Variants in RHPN2 observed in about 807,000 individuals in gnomAD.
RHPN2 encodes rhophilin-2.
In RHPN2, 40 loss-of-function variants were observed where a neutral mutation model predicts 79.0. The observed-to-expected ratio is 0.51, with a 90% CI of 0.39 to 0.66. The LOEUF (loss-of-function observed/expected upper bound fraction) is 0.66. Among genes scored for constraint, RHPN2 ranks in the 30% least tolerant of loss-of-function variants. The pLI is 0.00. For synonymous variants in RHPN2, 285 were observed against 363.5 expected (o/e 0.78, Z 2.46); for missense variants, 686 against 883.5 (o/e 0.78, Z 2.83).
chr19:33,005,362 G>A lies in RHPN2; in HGVS notation c.761-2362C>T, dbSNP rs112115520. Among the ~76,000 whole-genome samples the A allele has an allele frequency of 5.1e-3, 686 of 135,524 alleles. 11 individuals carry two copies. The highest frequency in any genetic ancestry group is 0.015 in the African/African-American group (530 of 35,144). 88.9% of individuals were successfully genotyped at this position (135,524 alleles called of 152,430 possible). ...CGGGAAGCAGAGGCTGCAGTGAGCC[G>A]AGATCTCGCCACTGCACTCCAGCCT... is the stretch of plus-strand genomic sequence containing the variant. On this transcript the variant is annotated intron_variant, in intron 7 of 14. Coordinates refer to ENST00000254260, the MANE Select transcript of RHPN2 (RefSeq NM_033103.5).
intron 4 of RHPN2, among the ~76,000 whole-genome samples, 169 bp from the exon 5 acceptor site, chr19:33,012,893 T>A (rs12460205): frequency 0.24 from 37,144 of 152,058 alleles, 4,615 homozygotes; most frequent in East Asian, 0.37. Flanking sequence ...TAGTTTTTTT[T>A]AATACGGAGT....
At chr19:32,988,849 C>T (rs1971631682) in intron 14 of RHPN2, among the ~76,000 whole-genome samples, 1 of 152,172 alleles carries the variant, frequency 6.6e-6, no homozygotes, top group African/African-American at 2.4e-5. Flanking sequence ...TTTTCCTTTA[C>T]AGCACTTATC....
intron 1 of RHPN2, among the ~76,000 whole-genome samples, chr19:33,064,239 C>A (rs918653853): frequency 6.6e-6 from 1 of 152,124 alleles, no homozygotes; most frequent in African/African-American, 2.4e-5. Context: ...GAGGCTGGGG[C>A]GGGAGGATCG....
intron 1 of RHPN2, 26 bp downstream of exon 1, chr19:33,064,758 C>T (rs1244925319): frequency 1.5e-5 from 11 of 716,000 alleles, no homozygotes; most frequent in Non-Finnish European, 2.4e-5. Context: ...CCGCAGGTCC[C>T]CGCCCGCCCG....
intron 3 of RHPN2, among the ~76,000 whole-genome samples, chr19:33,025,311 T>A (rs868531513): frequency 1.5e-5 from 2 of 130,858 alleles, no homozygotes; most frequent in Non-Finnish European, 3.2e-5. Context: ...TGTCTCTACT[T>A]AAAAAAAAAA....
rs781587653 is a variant in RHPN2, at chr19:32,991,980, G to C, written c.1498-11C>G. The stretch of plus-strand genomic sequence containing the variant: ...CACAGATAAGGGGCCCTTTGGAAGA[G>C]AGCATCGTTAGGTGTAGGATTTGAA... On this transcript the variant is annotated splice_polypyrimidine_tract_variant and intron_variant, in intron 12 of 14. Coordinates refer to ENST00000254260, the MANE Select transcript of RHPN2 (RefSeq NM_033103.5). The C allele has an allele frequency of 1.1e-5, 18 of 1,613,766 alleles. No homozygotes were observed. The highest frequency in any genetic ancestry group is 4.5e-5 in the East Asian group (2 of 44,890).
chr19:33,056,470 G>A (rs1232029357), intron 1 of RHPN2, among the ~76,000 whole-genome samples: 1 of 151,922 alleles, frequency 6.6e-6, no homozygotes, highest in Non-Finnish European at 1.5e-5. Flanking sequence ...AGTACTGTGG[G>A]GTACAGGGGC....
chr19:32,994,001 T>G lies in RHPN2; in HGVS notation c.1473A>C (p.Thr491=). 6.2e-7 allele frequency: 1 copy of G among 1,613,384 alleles called. No individual in the cohort carries two copies. Among genetic ancestry groups the G allele is most frequent in the Non-Finnish European group, 8.5e-7 (1 of 1,179,352 alleles). ...DIILPQFSKL[T]VTDFFQKLGP... is the part of the protein sequence containing the mutation. The stretch of plus-strand genomic sequence containing the variant: ...CCAGCTTCTGGAAGAAGTCCGTGAC[T>G]GTCAGCTTGGAGAACTGGGGCAATA... Residue 491 remains threonine, a synonymous_variant, in exon 12 of 15, where the codon ACA becomes ACC. Coordinates refer to ENST00000254260, the MANE Select transcript of RHPN2 (RefSeq NM_033103.5).
intron 2 of RHPN2, among the ~76,000 whole-genome samples, chr19:33,036,906 C>G (rs1005437415): frequency 6.7e-6 from 1 of 148,826 alleles, no homozygotes; most frequent in Non-Finnish European, 1.5e-5. Context: ...CTGTGTAGCC[C>G]GAGCCTCCCC....
At chr19:33,014,831 C>T (rs974116996) in intron 4 of RHPN2, among the ~76,000 whole-genome samples, 9 of 152,168 alleles carry the variant, frequency 5.9e-5, no homozygotes, top group African/African-American at 2.2e-4. Flanking sequence ...TAACTCATGC[C>T]TGTGATCCCA....
chr19:33,032,102 C>T (rs915803133), intron 2 of RHPN2, among the ~76,000 whole-genome samples: 1 of 141,518 alleles, frequency 7.1e-6, no homozygotes, highest in African/African-American at 2.7e-5. Context: ...CTCACTGCAA[C>T]CTCCACCTCC....
At chr19:33,028,156 CTT>C (rs36036417) in intron 2 of RHPN2, among the ~76,000 whole-genome samples, 5 of 142,072 alleles carry the variant, frequency 3.5e-5, no homozygotes, top group East Asian at 2.0e-4. Flanking sequence ...AAAATCAATT[CTT>C]TTTTTTTTTT....
At chr19:33,026,224 G>A (rs1185026103) in intron 3 of RHPN2, among the ~76,000 whole-genome samples, 4 of 151,672 alleles carry the variant, frequency 2.6e-5, no homozygotes, top group Admixed American at 1.3e-4. Flanking sequence ...TGATCCACCC[G>A]CCTCAGCCTC....
At chr19:33,036,557 G>A (rs1193933965) in intron 2 of RHPN2, among the ~76,000 whole-genome samples, 2 of 152,192 alleles carry the variant, frequency 1.3e-5, no homozygotes, top group East Asian at 3.9e-4. Flanking sequence ...GAGCCCTTCA[G>A]CCCGCCGCTG....
chr19:33,019,047 A>G (rs1181378505), intron 4 of RHPN2, among the ~76,000 whole-genome samples: 2 of 148,556 alleles, frequency 1.3e-5, no homozygotes, highest in African/African-American at 2.5e-5. Flanking sequence ...AAAAAAAAAA[A>G]GAAAGAAAGA....
At chr19:33,053,102 G>T (rs1972202653) in intron 1 of RHPN2, among the ~76,000 whole-genome samples, 1 of 151,776 alleles carries the variant, frequency 6.6e-6, no homozygotes, top group African/African-American at 2.4e-5. Context: ...CTCCTGAGTA[G>T]CTGGGATTAC....
chr19:32,983,468 G>A (rs1188228115), intron 14 of RHPN2, among the ~76,000 whole-genome samples: 11 of 150,884 alleles, frequency 7.3e-5, no homozygotes, highest in African/African-American at 1.7e-4. Context: ...CTGAGATAGC[G>A]CCACTCACTG....
intron 1 of RHPN2, among the ~76,000 whole-genome samples, chr19:33,050,082 A>G (rs542598485): frequency 2.8e-4 from 43 of 152,266 alleles, no homozygotes; most frequent in African/African-American, 1.0e-3. Context: ...AGGGAAGAAC[A>G]TCTGACTTCT....
At chr19:33,011,891 G>C in intron 5 of RHPN2, 88 bp from the exon 6 acceptor site, 2 of 1,565,082 alleles carry the variant, frequency 1.3e-6, no homozygotes, top group South Asian at 2.2e-5. Flanking sequence ...ATACCAGCAG[G>C]TGCCTGTAAC....
Sources: gnomAD v4.1 joint callset for allele counts (sites outside exome capture counted in the v4.1 genomes callset) on GRCh38, gnomAD v4.1.1 for gene constraint, MANE v1.5 for transcripts, NCBI Gene and HGNC (gene_info 2026-07-23, HGNC 2026-07-21) for gene names.